Variants in ASMT observed in about 807,000 individuals in gnomAD.
ASMT encodes the protein acetylserotonin N-methyltransferase.
Under a neutral mutation model 41.3 loss-of-function variants are expected in ASMT, and 53 were observed. That is an observed-to-expected ratio of 1.28 (90% CI 1.03 to 1.61). The LOEUF (loss-of-function observed/expected upper bound fraction) is 1.61, where lower values mean the gene tolerates loss of function less well. Among genes scored for constraint, ASMT ranks in the 40% most tolerant of loss-of-function variants. The pLI, the probability that ASMT is intolerant of heterozygous loss-of-function variation, is 0.00. For synonymous variants in ASMT, 231 were observed against 184.8 expected, an observed-to-expected ratio of 1.25 and a Z score of -2.03; for missense variants, 531 against 441.3, an observed-to-expected ratio of 1.20 and a Z score of -1.82.
chrX:1,636,675 C>T (rs1934978553), intron 8 of ASMT, 115 bp downstream of exon 8: 2 of 1,488,620 alleles, frequency 1.3e-6, no homozygotes, highest in South Asian at 1.1e-5. Flanking sequence ...AGACATCCTG[C>T]CCAATATGGC....
In ASMT at chrX:1,615,671, A is replaced by G. The variant is rs774707924; in HGVS notation, c.69+403A>G. Among the ~76,000 whole-genome samples the G allele has an allele frequency of 1.1e-4, 17 of 151,986 alleles. No individual in the cohort carries two copies. In the South Asian group the frequency reaches 1.3e-3, roughly 11 times the overall value. ...TACAAAATTAGCCAGGCTTGGTGGTACATGCCTATAATCCCAGCTACTTGG... is the reference window on the plus strand; with the variant it reads ...TACAAAATTAGCCAGGCTTGGTGGTGCATGCCTATAATCCCAGCTACTTGG... On this transcript the variant is annotated intron_variant, in intron 1 of 8. Coordinates refer to ENST00000381241, the MANE Select transcript of ASMT (RefSeq NM_001171038.2).
chrX:1,617,992 G>A (rs1237475239), intron 1 of ASMT, among the ~76,000 whole-genome samples: 2 of 151,750 alleles, frequency 1.3e-5, no homozygotes, highest in African/African-American at 4.8e-5. Flanking sequence ...TGTAGAGCCC[G>A]TGAATTTTAC....
At chrX:1,625,755 C>A (rs1328932069) in intron 3 of ASMT, among the ~76,000 whole-genome samples, 1 of 151,278 alleles carries the variant, frequency 6.6e-6, no homozygotes, top group Non-Finnish European at 1.5e-5. Context: ...GAGATCGAGA[C>A]CATCCTGGCT....
chrX:1,623,913 C>T (rs1169954525), intron 2 of ASMT, among the ~76,000 whole-genome samples: 8 of 152,042 alleles, frequency 5.3e-5, no homozygotes, highest in East Asian at 1.9e-4. Context: ...CCTCCCTAAG[C>T]GCTGAGATTA....
chrX:1,627,923 C>G (rs1340058648), intron 4 of ASMT, 152 bp downstream of exon 4: 5 of 781,236 alleles, frequency 6.4e-6, no homozygotes, highest in Non-Finnish European at 1.1e-5. Flanking sequence ...CACTACTACC[C>G]CAGATTTTGC....
intron 5 of ASMT, among the ~76,000 whole-genome samples, chrX:1,632,475 C>A (rs2149469589): frequency 6.6e-6 from 1 of 152,196 alleles, no homozygotes; most frequent in East Asian, 1.9e-4. Context: ...CACGGAGAAA[C>A]CCTGTCTCTA....
chrX:1,642,723 G>T (rs1935237427), intron 8 of ASMT, 80 bp from the exon 9 acceptor site: 1 of 1,346,414 alleles, frequency 7.4e-7, no homozygotes, highest in South Asian at 1.2e-5. Context: ...AGGTCTGGCT[G>T]TCCTTATGGT....
Position 1,615,107 on chromosome X carries a change from C to G in ASMT, c.-93C>G, listed in dbSNP as rs184845645. 3.7e-3 allele frequency: 3,959 copies of G among 1,069,644 alleles called. 112 individuals are homozygous for G. In the South Asian group the frequency reaches 0.038, roughly 10 times the overall value. 66.3% of individuals were successfully genotyped at this position (1,069,644 alleles called of 1,614,324 possible). On this transcript the variant is annotated 5_prime_UTR_variant, in exon 1 of 9. Coordinates refer to ENST00000381241, the MANE Select transcript of ASMT (RefSeq NM_001171038.2). ...GGGAGAGTCAGGCAGCAGCTGTGAG[C>G]GGGTGGCTCTTCCCCACCTTGCCAG...
At chrX:1,632,440 A>G (rs1297004268) in intron 5 of ASMT, among the ~76,000 whole-genome samples, 2 of 152,202 alleles carry the variant, frequency 1.3e-5, no homozygotes, top group African/African-American at 4.8e-5. Flanking sequence ...TCACGAGGTC[A>G]GGAGATCGAG....
rs4933063 is a variant in ASMT at position 1,636,511 on chromosome X, C to G, written c.861C>G (p.Asp287Glu). Residue 287 changes from aspartate (D) to glutamate (E), a missense_variant, in exon 8 of 9, where the codon GAC becomes GAG. Physicochemically the swap from Asp to Glu is conservative, Grantham distance 45. Coordinates refer to ENST00000381241, the MANE Select transcript of ASMT (RefSeq NM_001171038.2). Reference protein sequence around the residue: ...ILARVLHDWADGKCSHLLERI... With the variant: ...ILARVLHDWAEGKCSHLLERI... Reference sequence around the variant, plus strand: ...CCAGGGTCCTCCATGACTGGGCAGACGGAAAGTGCTCACACCTGCTGGAGA... The same window carrying G: ...CCAGGGTCCTCCATGACTGGGCAGAGGGAAAGTGCTCACACCTGCTGGAGA... 5.0e-6 allele frequency: 8 copies of G among 1,613,652 alleles called. No individual in the cohort carries two copies. The African/African-American group carries it at 8.0e-5, about 16-fold the overall frequency.
intron 4 of ASMT, among the ~76,000 whole-genome samples, 196 bp from the exon 5 acceptor site, chrX:1,629,625 C>T (rs758070316): frequency 3.3e-5 from 5 of 152,270 alleles, no homozygotes; most frequent in South Asian, 2.1e-4. Flanking sequence ...CCAGGTTTCC[C>T]GGAGCTGGGT....
chrX:1,635,271 A>G (rs1189400874), intron 7 of ASMT, among the ~76,000 whole-genome samples: 1 of 151,574 alleles, frequency 6.6e-6, no homozygotes, highest in African/African-American at 2.4e-5. Context: ...GGCGTGAGCC[A>G]CCGCGCCTGG....
intron 4 of ASMT, chrX:1,628,039 C>T (rs377457085): frequency 2.4e-5 from 13 of 535,766 alleles, no homozygotes; most frequent in East Asian, 9.7e-5. Flanking sequence ...TGGAGGCACG[C>T]GCCGGGCGCG....
intron 5 of ASMT, among the ~76,000 whole-genome samples, chrX:1,630,428 C>T (rs1934731528): frequency 6.6e-6 from 1 of 151,918 alleles, no homozygotes; most frequent in African/African-American, 2.4e-5. Context: ...GCCCCAGCCT[C>T]CCGAGTAGGT....
intron 4 of ASMT, 133 bp downstream of exon 4, chrX:1,627,904 C>G (rs1196052005): frequency 2.3e-6 from 2 of 885,074 alleles, no homozygotes; most frequent in East Asian, 4.8e-5. Context: ...AAATAACATC[C>G]CCTATCCCCA....
intron 7 of ASMT, among the ~76,000 whole-genome samples, chrX:1,635,527 T>C (rs1934926365): frequency 6.6e-6 from 1 of 152,022 alleles, no homozygotes; most frequent in Admixed American, 6.6e-5. Flanking sequence ...TTGGGTGATA[T>C]CAGCAGCAGT....
intron 5 of ASMT, among the ~76,000 whole-genome samples, chrX:1,630,917 AT>A (rs1457094380): frequency 1.7e-4 from 24 of 138,860 alleles, no homozygotes; most frequent in Admixed American, 3.0e-4. Flanking sequence ...TTATTTATTT[AT>A]TTTTTTTTTT....
Position 1,642,799 on chromosome X carries a change from C to T in ASMT, c.911-4C>T, listed in dbSNP as rs1289477949. On this transcript the variant is annotated splice_polypyrimidine_tract_variant and splice_region_variant and intron_variant, in intron 8 of 8. Coordinates refer to ENST00000381241, the MANE Select transcript of ASMT (RefSeq NM_001171038.2). The stretch of plus-strand genomic sequence containing the variant: ...TGATGTGGACTGTGCCCCTCCCTTT[C>T]TAGGTGGTGGCATTCTGGTAATTGA... 1.2e-6 allele frequency: 2 copies of T among 1,613,144 alleles called. No homozygotes were observed. The highest frequency in any genetic ancestry group is 3.3e-5 in the Admixed American group (2 of 60,000).
In ASMT at chrX:1,642,877, C is replaced by T. The variant is rs757104005; in HGVS notation, c.985C>T (p.Leu329=). The stretch of plus-strand genomic sequence containing the variant: ...TCCTCTGCTCACGCAGCTCTACTCT[C>T]TGAACATGCTTGTGCAGACGGAAGG... ...RGPLLTQLYS[L]NMLVQTEGQE... The change falls in exon 9 of 9, where the codon CTG becomes TTG. Residue 329 remains leucine, a synonymous_variant. Transcript: ENST00000381241. 5.6e-6 allele frequency: 9 copies of T among 1,613,986 alleles called. No homozygotes were observed. In the South Asian group the frequency reaches 7.7e-5, roughly 14 times the overall value.
Sources: allele counts gnomAD v4.1 joint callset (sites outside exome capture counted in the v4.1 genomes callset), GRCh38; gene constraint gnomAD v4.1.1; transcripts MANE v1.5; gene names NCBI Gene and HGNC (gene_info 2026-07-23, HGNC 2026-07-21).